The following IRS1 variants were observed in gnomAD, a reference collection of about 807,000 sequenced individuals.
IRS1 encodes the protein insulin receptor substrate 1.
Under a neutral mutation model 65.6 loss-of-function variants are expected in IRS1, and 34 were observed. That is an observed-to-expected ratio of 0.52 (90% CI 0.39 to 0.69). The LOEUF is 0.69. Among genes scored for constraint, IRS1 ranks in the 30% least tolerant of loss-of-function variants. IRS1 has a pLI of 0.00. For missense variants in IRS1, 1,641 were observed against 1,720.2 expected, an observed-to-expected ratio of 0.95 and a Z score of 0.81; for synonymous variants, 699 against 683.5, an observed-to-expected ratio of 1.02 and a Z score of -0.35.
chr2:226,798,770 G>T lies in IRS1; in HGVS notation c.-32C>A. On this transcript the variant is annotated 5_prime_UTR_variant, in exon 1 of 2. Coordinates refer to ENST00000305123, the MANE Select transcript of IRS1 (RefSeq NM_005544.3). This position sits in a 1 kb window ranked among gnomAD's most constrained non-coding sequence, Gnocchi z 9.4. ...ACCGCCACCACCAACGCTGAGCAGA[G>T]GGAGGCTCCGAAAAACAACCGGGTG... 6.3e-7 allele frequency: 1 copy of T among 1,595,178 alleles called. No individual in the cohort carries two copies. Among genetic ancestry groups the T allele is most frequent in the Admixed American group, 1.8e-5 (1 of 56,524 alleles).
chr2:226,795,446 C>T lies in IRS1; in HGVS notation c.3293G>A (p.Arg1098Lys), dbSNP rs758947835. ...TGAGGAGAAAGTCTCGGAGCTATGC[C>T]TCCGCCGGCACCCTTGTGGGTCTGC... ...IRADPQGCRR[R>K]HSSETFSSTP... is the part of the protein sequence containing the mutation. Residue 1098 changes from arginine (R) to lysine (K), a missense_variant, in exon 1 of 2, where the codon AGG (arginine) becomes AAG (lysine). By Grantham distance (26) the Arg-to-Lys change is conservative. Transcript: ENST00000305123. The T allele has an allele frequency of 6.2e-7, 1 of 1,613,608 alleles. No individual in the cohort carries two copies. Among genetic ancestry groups the T allele is most frequent in the Non-Finnish European group, 8.5e-7 (1 of 1,180,032 alleles).
chr2:226,780,682 A>G (rs2106176380), intron 1 of IRS1, among the ~76,000 whole-genome samples: 1 of 152,344 alleles, frequency 6.6e-6, no homozygotes, highest in Non-Finnish European at 1.5e-5. Flanking sequence ...GAAGTGTCCA[A>G]GATTTAAGAT....
rs1939676628 is a variant in IRS1 at position 226,794,871 on chromosome 2, G to A, written c.*21+118C>T. On this transcript the variant is annotated intron_variant, in intron 1 of 1. Transcript: ENST00000305123. The surrounding 1 kb of genome is among the most constrained non-coding windows in gnomAD (Gnocchi z 4.1). ...CATCTTGTGTGCCCTGAGAATGTAA[G>A]TGCATTCTCCCTGAGGAAGCAGTGG... 3 of 894,042 alleles carry A rather than the reference G, an allele frequency of 3.4e-6. No homozygotes were observed. The highest frequency in any genetic ancestry group is 5.5e-6 in the Non-Finnish European group (3 of 541,762). The allele number at this position is 894,042 out of a possible 1,614,324, so 55.4% of individuals were successfully genotyped here.
At chr2:226,779,525 A>G (rs1256698330) in intron 1 of IRS1, among the ~76,000 whole-genome samples, 1 of 152,248 alleles carries the variant, frequency 6.6e-6, no homozygotes, top group Non-Finnish European at 1.5e-5. Flanking sequence ...ATAAGGACAC[A>G]CATCTTCAAG....
rs1180733150 is a variant in IRS1, at chr2:226,733,729, C to T, written c.*2543G>A. 1 of 152,150 alleles carries T rather than the reference C, an allele frequency of 6.6e-6. No individual in the cohort carries two copies. Among genetic ancestry groups the T allele is most frequent in the Non-Finnish European group, 1.5e-5 (1 of 68,028 alleles). The allele number at this position is 152,150 out of a possible 1,614,324, so 9.4% of individuals were successfully genotyped here. On this transcript the variant is annotated 3_prime_UTR_variant, in exon 2 of 2. Coordinates refer to ENST00000305123, the MANE Select transcript of IRS1 (RefSeq NM_005544.3). ...CTGAACACAAGGACTCAGCAGCTGA[C>T]GTTGCTCAAAGGAAACCCTTCGTGT...
intron 1 of IRS1, among the ~76,000 whole-genome samples, chr2:226,751,412 T>C (rs1938678996): frequency 6.6e-6 from 1 of 150,804 alleles, no homozygotes. Context: ...GCCTCCCGAG[T>C]AGCTGGGACT....
intron 1 of IRS1, among the ~76,000 whole-genome samples, chr2:226,751,314 C>G (rs1172744177): frequency 2.6e-5 from 3 of 117,014 alleles, no homozygotes; most frequent in Admixed American, 1.1e-4. Flanking sequence ...GACAGAGTCT[C>G]GCTTTGTCGC....
chr2:226,750,918 G>A (rs1400378615), intron 1 of IRS1, among the ~76,000 whole-genome samples: 1 of 152,176 alleles, frequency 6.6e-6, no homozygotes, highest in Non-Finnish European at 1.5e-5. Context: ...TGACCCCAGT[G>A]CTGTGGGTCT....
Position 226,796,017 on chromosome 2 carries a change from A to T in IRS1, c.2722T>A (p.Tyr908Asn). The T allele has an allele frequency of 6.2e-7, 1 of 1,614,162 alleles. No homozygotes were observed. Among genetic ancestry groups the T allele is most frequent in the Non-Finnish European group, 8.5e-7 (1 of 1,180,036 alleles). ...TGGAAAGCCACCGGGCCAGACAAGT[A>T]GCCAGACTGATCACTCCCAAATTCA... ...NIEFGSDQSG[Y>N]LSGPVAFHSS... Residue 908 changes from tyrosine (Y) to asparagine (N), a missense_variant, in exon 1 of 2, where the codon TAC (tyrosine) becomes AAC (asparagine). Tyr to Asn is a moderately radical substitution (Grantham distance 143). Transcript: ENST00000305123.
rs114193901 is a variant in IRS1 at position 226,790,874 on chromosome 2, C to T, written c.*21+4115G>A. Among the ~76,000 whole-genome samples the T allele has an allele frequency of 9.2e-3, 1,399 of 152,204 alleles. 15 individuals carry two copies. Among genetic ancestry groups the T allele is most frequent in the African/African-American group, 0.031 (1,306 of 41,494 alleles). On this transcript the variant is annotated intron_variant, in intron 1 of 1. Coordinates refer to ENST00000305123, the MANE Select transcript of IRS1 (RefSeq NM_005544.3). ...ACACAACACAAATCTAGCAAGCTTT[C>T]AAAATCGATGTGCCCAGCCTAAATT...
chr2:226,772,013 C>T (rs1255386719), intron 1 of IRS1, among the ~76,000 whole-genome samples: 1 of 152,170 alleles, frequency 6.6e-6, no homozygotes, highest in African/African-American at 2.4e-5. Flanking sequence ...TTTAACAGTA[C>T]ACCATACTCA....
In IRS1 at chr2:226,737,634, T is replaced by C. The variant is rs575430703; in HGVS notation, c.*22-1384A>G. The stretch of plus-strand genomic sequence containing the variant: ...AAGGCAAGTTCTGTTCATAAATACA[T>C]GGCATGTGAAGTAGACATCAGTACA... On this transcript the variant is annotated intron_variant, in intron 1 of 1. Transcript: ENST00000305123. 2.6e-4 allele frequency among the ~76,000 whole-genome samples: 39 copies of C among 152,292 alleles called. No homozygotes were observed. In the South Asian group the frequency reaches 8.1e-3, roughly 32 times the overall value.
At chr2:226,746,081 G>A (rs1938537964) in intron 1 of IRS1, among the ~76,000 whole-genome samples, 1 of 152,014 alleles carries the variant, frequency 6.6e-6, no homozygotes. Flanking sequence ...GATCTCAAAT[G>A]AATGCTATCT....
At chr2:226,743,241 T>A (rs1938476240) in intron 1 of IRS1, among the ~76,000 whole-genome samples, 2 of 152,082 alleles carry the variant, frequency 1.3e-5, no homozygotes, top group South Asian at 4.1e-4. Context: ...TTAATTTTTT[T>A]TTTTTGGAGA....
chr2:226,798,251 A>G lies in IRS1; in HGVS notation c.488T>C (p.Val163Ala). ...CTTGGGCTTCAGGATCACTTGCCAG[A>G]CCTCTTTGAATGCGGGTCCTGGGGG... ...DVPPGPAFKE[V>A]WQVILKPKGL... is the part of the protein sequence containing the mutation. The change falls in exon 1 of 2, where the codon GTC becomes GCC. Residue 163 changes from valine (V) to alanine (A), a missense_variant. Physicochemically the swap from Val to Ala is moderately conservative, Grantham distance 64. Transcript: ENST00000305123. The surrounding 1 kb of genome is among the most constrained non-coding windows in gnomAD (Gnocchi z 9.4). The G allele has an allele frequency of 6.2e-7, 1 of 1,613,294 alleles. No individual in the cohort carries two copies. The highest frequency in any genetic ancestry group is 8.5e-7 in the Non-Finnish European group (1 of 1,179,888).
intron 1 of IRS1, among the ~76,000 whole-genome samples, chr2:226,752,862 C>T (rs1027965340): frequency 2.6e-5 from 4 of 152,186 alleles, no homozygotes; most frequent in Non-Finnish European, 5.9e-5. Flanking sequence ...CGTGGGACCT[C>T]GGGCACTTGA....
In IRS1 at chr2:226,797,176, G is replaced by A. The variant is rs1939751640; in HGVS notation, c.1563C>T (p.Phe521=). 3.1e-6 allele frequency: 5 copies of A among 1,613,980 alleles called. No individual in the cohort carries two copies. The South Asian group carries it at 5.5e-5, about 18-fold the overall frequency. Residue 521 remains phenylalanine, a synonymous_variant, in exon 1 of 2, where the codon TTC becomes TTT. Coordinates refer to ENST00000305123, the MANE Select transcript of IRS1 (RefSeq NM_005544.3). The surrounding 1 kb of genome is among the most constrained non-coding windows in gnomAD (Gnocchi z 8.1). ...AASAADLDNR[F]RKRTHSAGTS... ...TGCCTGCCGAGTGAGTTCTCTTTCG[G>A]AACCGATTATCCAGATCTGCAGCAC...
intron 1 of IRS1, among the ~76,000 whole-genome samples, chr2:226,740,329 C>T (rs1327839969): frequency 1.3e-5 from 2 of 152,096 alleles, no homozygotes; most frequent in Admixed American, 1.3e-4. Context: ...ATCCTGTTGC[C>T]AGTAATGAAA....
rs959661414 is a variant in IRS1 at position 226,731,517 on chromosome 2, G to A, written c.*4755C>T. The A allele has an allele frequency of 2.6e-5, 4 of 152,048 alleles. No homozygotes were observed. Among genetic ancestry groups the A allele is most frequent in the Non-Finnish European group, 5.9e-5 (4 of 68,006 alleles). 9.4% of individuals were successfully genotyped at this position (152,048 alleles called of 1,614,324 possible). The stretch of plus-strand genomic sequence containing the variant: ...AACACTATAAAGAAAACTTGGAAAA[G>A]TGAAACACTTCTAAATAAAAAATAT... On this transcript the variant is annotated 3_prime_UTR_variant, in exon 2 of 2. Transcript: ENST00000305123.
Sources: allele counts gnomAD v4.1 joint callset (sites outside exome capture counted in the v4.1 genomes callset), GRCh38; gene constraint gnomAD v4.1.1; non-coding constraint Gnocchi (gnomAD v3.1); transcripts MANE v1.5; gene names NCBI Gene and HGNC (gene_info 2026-07-23, HGNC 2026-07-21).